UEVLD: variants seen among roughly 807,000 people sequenced by gnomAD.
UEVLD encodes the protein UEV and lactate/malate dehyrogenase domains, also known as ubiquitin-conjugating enzyme E2 variant 3.
A neutral mutation model predicts 58.6 loss-of-function variants in UEVLD; 47 were observed. The ratio of observed to expected loss-of-function variants is 0.80; its 90% CI spans 0.63 to 1.02. The LOEUF (loss-of-function observed/expected upper bound fraction) is 1.02. UEVLD is among the 50% of genes least tolerant of loss of function. The pLI, the probability that UEVLD is intolerant of heterozygous loss-of-function variation, is 0.00. For synonymous variants in UEVLD, 197 were observed against 195.3 expected (o/e 1.01, Z -0.07); for missense variants, 510 against 550.6 (o/e 0.93, Z 0.74).
At position 18,575,359 on chromosome 11, in the gene UEVLD, C is replaced by A; in HGVS notation, c.181G>T (p.Val61Leu). ...CTTCCACACTTACCCTGATACATCACAGGAATTGTGCCAGTAAAATTCAGC... is the reference window on the plus strand; with the variant it reads ...CTTCCACACTTACCCTGATACATCAAAGGAATTGTGCCAGTAAAATTCAGC... ...DLLNFTGTIP[V>L]MYQGNTYNIP... Residue 61 changes from valine to leucine, a missense_variant, in exon 3 of 12, where the codon GTG becomes TTG. Coordinates refer to ENST00000396197, the MANE Select transcript of UEVLD (RefSeq NM_001040697.4). The A allele has an allele frequency of 6.2e-7, 1 of 1,607,796 alleles. No individual in the cohort carries two copies. The highest frequency in any genetic ancestry group is 8.5e-7 in the Non-Finnish European group (1 of 1,178,490).
chr11:18,566,534 T>C, intron 4 of UEVLD, 52 bp from the exon 5 acceptor site: 1 of 1,589,794 alleles, frequency 6.3e-7, no homozygotes, highest in Non-Finnish European at 8.6e-7. Flanking sequence ...TGCTGAAGAA[T>C]ACTACCTTTG....
At chr11:18,582,155 C>A (rs561138075) in intron 1 of UEVLD, among the ~76,000 whole-genome samples, 1 of 152,242 alleles carries the variant, frequency 6.6e-6, no homozygotes, top group Non-Finnish European at 1.5e-5. Context: ...CTATTTTTTA[C>A]ATCCGTAAAA....
At position 18,588,641 on chromosome 11, in the gene UEVLD, C is replaced by T; in HGVS notation, c.14G>A (p.Cys5Tyr). Residue 5 changes from cysteine to tyrosine, a missense_variant, in exon 1 of 12, where the codon TGC becomes TAC. Cys to Tyr is a radical substitution (Grantham distance 194). Transcript: ENST00000396197. MEFD[C>Y]EGLRRLLGKY... ...GCCAAGCAGCCGTCTCAGGCCCTCG[C>T]AGTCGAACTCCATCTCCAGGCCGGT... 1.9e-6 allele frequency: 3 copies of T among 1,609,992 alleles called. No homozygotes were observed. Among genetic ancestry groups the T allele is most frequent in the Middle Eastern group, 1.7e-4 (1 of 6,060 alleles).
Position 18,544,800 on chromosome 11 carries a change from AAT to A in UEVLD, c.887-6_887-5del, listed in dbSNP as rs1192159856. On this transcript the variant is annotated splice_region_variant and splice_polypyrimidine_tract_variant and intron_variant, in intron 8 of 11. Transcript: ENST00000396197. ...GTTACATAGGTCATGATTTCCACTAAATATTGCATACAAGGTAAAAAATGTAA... is the reference window on the plus strand; with the variant it reads ...GTTACATAGGTCATGATTTCCACTAAATTGCATACAAGGTAAAAAATGTAA... The A allele has an allele frequency of 1.3e-6, 2 of 1,519,058 alleles. No individual in the cohort carries two copies. Among genetic ancestry groups the A allele is most frequent in the South Asian group, 2.6e-5 (2 of 75,874 alleles). 94.1% of individuals were successfully genotyped at this position (1,519,058 alleles called of 1,614,324 possible).
At chr11:18,552,282 C>T (rs560240237) in intron 7 of UEVLD, among the ~76,000 whole-genome samples, 40 of 152,332 alleles carry the variant, frequency 2.6e-4, no homozygotes, top group Non-Finnish European at 2.9e-4. Context: ...CAGTGGCTCA[C>T]GCCTATAATC....
Position 18,564,533 on chromosome 11 carries a change from TA to T in UEVLD, c.612+358del, listed in dbSNP as rs558868298. ...TAATTATGTAAGAAAAGGCCATCTT[TA>T]AAAAAAAAAAAGCCAATTTTAGAAA... is the stretch of plus-strand genomic sequence containing the variant. On this transcript the variant is annotated intron_variant, in intron 6 of 11. Transcript: ENST00000396197. Among the ~76,000 whole-genome samples the T allele has an allele frequency of 2.9e-3, 414 of 142,106 alleles. 1 individual carries two copies. Among genetic ancestry groups the T allele is most frequent in the Admixed American group, 3.6e-3 (51 of 14,198 alleles). 93.2% of individuals were successfully genotyped at this position (142,106 alleles called of 152,430 possible).
intron 9 of UEVLD, among the ~76,000 whole-genome samples, chr11:18,538,406 A>G (rs1850906095): frequency 1.3e-5 from 2 of 151,252 alleles, no homozygotes; most frequent in African/African-American, 4.9e-5. Flanking sequence ...CCTCCCAAGT[A>G]GCTGGGATTA....
rs142424120 is a variant in UEVLD, at chr11:18,534,043, G to A, written c.1248+287C>T. ...GGCTCACTGCAGCCTCAACCTCCCA[G>A]GCTCAAGAGATTTTCCCACCTCAGC... On this transcript the variant is annotated intron_variant, in intron 11 of 11. Transcript: ENST00000396197. Among the ~76,000 whole-genome samples the A allele has an allele frequency of 3.9e-5, 6 of 152,286 alleles. No individual in the cohort carries two copies. The East Asian group carries it at 1.2e-3, about 29-fold the overall frequency.
At chr11:18,570,168 T>TTAA in intron 4 of UEVLD, 46 bp downstream of exon 4, 1 of 1,380,316 alleles carries the variant, frequency 7.2e-7, no homozygotes, top group Non-Finnish European at 9.8e-7. Context: ...GATAGGTATT[T>TTAA]AAAAAAAAAA....
At chr11:18,569,914 C>T in intron 4 of UEVLD, 1 of 192,898 alleles carries the variant, frequency 5.2e-6, no homozygotes, top group Non-Finnish European at 1.1e-5. Context: ...GGAAATAATG[C>T]CCCAATCACT....
At chr11:18,539,658 G>C (rs1310806624) in intron 9 of UEVLD, among the ~76,000 whole-genome samples, 1 of 152,196 alleles carries the variant, frequency 6.6e-6, no homozygotes, top group Non-Finnish European at 1.5e-5. Context: ...TCCTGGGAGA[G>C]GTGGCACTCA....
chr11:18,558,137 G>A (rs149275208), intron 7 of UEVLD, 91 bp downstream of exon 7: 27 of 825,334 alleles, frequency 3.3e-5, no homozygotes, highest in Middle Eastern at 7.4e-4. Context: ...CTTGGACAAG[G>A]TGATCTTTAA....
chr11:18,580,221 G>A (rs1023245404), intron 1 of UEVLD, among the ~76,000 whole-genome samples: 51 of 152,168 alleles, frequency 3.4e-4, no homozygotes, highest in African/African-American at 1.2e-3. Flanking sequence ...AGGATGTAAA[G>A]AAATCAGAAC....
intron 5 of UEVLD, among the ~76,000 whole-genome samples, chr11:18,565,890 C>CT (rs1220737886): frequency 1.7e-5 from 2 of 120,718 alleles, no homozygotes; most frequent in South Asian, 2.6e-4. Flanking sequence ...AAAGGAATTA[C>CT]TTTTTTTTTC....
intron 7 of UEVLD, among the ~76,000 whole-genome samples, chr11:18,555,859 G>A (rs1851732561): frequency 6.6e-6 from 1 of 152,068 alleles, no homozygotes; most frequent in African/African-American, 2.4e-5. Flanking sequence ...TGAGGTGGGA[G>A]GATCGCTTGA....
chr11:18,564,527 C>A (rs1852198850), intron 6 of UEVLD, among the ~76,000 whole-genome samples: 1 of 149,362 alleles, frequency 6.7e-6, no homozygotes, highest in Non-Finnish European at 1.5e-5. Context: ...AAGAAAAGGC[C>A]ATCTTTAAAA....
intron 7 of UEVLD, 83 bp from the exon 8 acceptor site, chr11:18,547,133 C>A: frequency 7.0e-7 from 1 of 1,432,568 alleles, no homozygotes. Flanking sequence ...TTGTTCTTTT[C>A]AACAAATAAG....
intron 8 of UEVLD, among the ~76,000 whole-genome samples, chr11:18,545,246 T>C (rs1293465419): frequency 6.6e-6 from 1 of 151,630 alleles, no homozygotes; most frequent in Non-Finnish European, 1.5e-5. Context: ...TTAATTTTTG[T>C]ATTTTTGGTA....
chr11:18,573,743 A>G (rs1852752825), intron 3 of UEVLD, among the ~76,000 whole-genome samples: 1 of 152,180 alleles, frequency 6.6e-6, no homozygotes, highest in East Asian at 1.9e-4. Flanking sequence ...GTGCATCTCT[A>G]GCAACAAGTC....
Sources: allele counts gnomAD v4.1 joint callset (sites outside exome capture counted in the v4.1 genomes callset), GRCh38; gene constraint gnomAD v4.1.1; transcripts MANE v1.5; gene names NCBI Gene and HGNC (gene_info 2026-07-23, HGNC 2026-07-21).